Variants in METTL15 observed in about 807,000 individuals in gnomAD.
The protein encoded by METTL15 is methyltransferase 15, mitochondrial 12S rRNA N4-cytidine.
In METTL15, 34 loss-of-function variants were observed where a neutral mutation model predicts 38.3. The ratio of observed to expected loss-of-function variants is 0.89; its 90% CI spans 0.68 to 1.18. METTL15 has a LOEUF of 1.18. Among genes scored for constraint, METTL15 ranks in the 50% most tolerant of loss-of-function variants. The pLI is 0.00. For missense variants in METTL15, 438 were observed against 498.4 expected (o/e 0.88, Z 1.15); for synonymous variants, 162 against 170.9 (o/e 0.95, Z 0.41).
chr11:28,302,228 C>G (rs1856938254), intron 6 of METTL15, among the ~76,000 whole-genome samples: 2 of 152,210 alleles, frequency 1.3e-5, no homozygotes, highest in South Asian at 4.1e-4. Flanking sequence ...AATACTTTTT[C>G]AATGTTAATT....
At chr11:28,458,426 C>G (rs1851188086) in intron 6 of METTL15, among the ~76,000 whole-genome samples, 1 of 152,130 alleles carries the variant, frequency 6.6e-6, no homozygotes, top group Non-Finnish European at 1.5e-5. Context: ...AAAACTTGCC[C>G]AATGTTTTAT....
intron 5 of METTL15, among the ~76,000 whole-genome samples, chr11:28,417,342 G>A (rs951388693): frequency 6.6e-6 from 1 of 152,108 alleles, no homozygotes; most frequent in Non-Finnish European, 1.5e-5. Context: ...ATCACTTATG[G>A]TAGTATTTGC....
chr11:28,384,841 G>A (rs1374411374), intron 5 of METTL15, among the ~76,000 whole-genome samples: 1 of 152,000 alleles, frequency 6.6e-6, no homozygotes, highest in Non-Finnish European at 1.5e-5. Context: ...CATTTTGATG[G>A]GTGAGAGATG....
intron 5 of METTL15, among the ~76,000 whole-genome samples, chr11:28,293,924 T>G (rs1370031746): frequency 6.6e-6 from 1 of 152,232 alleles, no homozygotes; most frequent in Non-Finnish European, 1.5e-5. Context: ...GAGACTTTGC[T>G]GAAGTTGCCT....
chr11:28,196,634 C>T (rs1851919128), intron 3 of METTL15, among the ~76,000 whole-genome samples: 1 of 151,602 alleles, frequency 6.6e-6, no homozygotes, highest in Non-Finnish European at 1.5e-5. Context: ...AAGATCATAT[C>T]ATTGGCAAAC....
At chr11:28,392,395 C>T (rs1850519216) in intron 5 of METTL15, among the ~76,000 whole-genome samples, 1 of 151,984 alleles carries the variant, frequency 6.6e-6, no homozygotes, top group South Asian at 2.1e-4. Flanking sequence ...GACATATAGA[C>T]TCATGGAACA....
At chr11:28,137,480 T>C (rs1849552643) in intron 3 of METTL15, among the ~76,000 whole-genome samples, 1 of 152,222 alleles carries the variant, frequency 6.6e-6, no homozygotes, top group Admixed American at 6.5e-5. Flanking sequence ...GTGTAAAGGC[T>C]GGCAAGTTGT....
chr11:28,350,423 A>G (rs150844522), intron 3 of METTL15, among the ~76,000 whole-genome samples: 218 of 152,352 alleles, frequency 1.4e-3, no homozygotes, highest in Non-Finnish European at 2.6e-3. Flanking sequence ...TACATCTGGC[A>G]TTAACAAAAC....
At chr11:28,262,513 G>A (rs1243782718) in intron 4 of METTL15, among the ~76,000 whole-genome samples, 3 of 151,820 alleles carry the variant, frequency 2.0e-5, no homozygotes, top group African/African-American at 7.3e-5. Flanking sequence ...ATGAAAGATG[G>A]CATAATTACT....
intron 5 of METTL15, among the ~76,000 whole-genome samples, chr11:28,385,050 G>A (rs893786407): frequency 6.6e-6 from 1 of 152,004 alleles, no homozygotes; most frequent in Admixed American, 6.6e-5. Context: ...TTAGACTTTT[G>A]TCAAGTTTAT....
intron 5 of METTL15, among the ~76,000 whole-genome samples, chr11:28,372,997 A>C (rs1338164456): frequency 1.3e-5 from 2 of 151,402 alleles, no homozygotes; most frequent in Admixed American, 6.6e-5. Flanking sequence ...TATGTGCCAC[A>C]TTTTCTTAAT....
intron 4 of METTL15, among the ~76,000 whole-genome samples, chr11:28,226,521 C>A (rs2133874575): frequency 6.6e-6 from 1 of 152,016 alleles, no homozygotes; most frequent in South Asian, 2.1e-4. Flanking sequence ...GACTTATTTT[C>A]TAGCACTTGA....
At chr11:28,338,820 G>T (rs1849924480) in intron 3 of METTL15, among the ~76,000 whole-genome samples, 2 of 152,060 alleles carry the variant, frequency 1.3e-5, no homozygotes, top group South Asian at 4.1e-4. Context: ...GATAATTCGG[G>T]TTAACCATCC....
intron 5 of METTL15, among the ~76,000 whole-genome samples, chr11:28,390,422 G>T (rs1850491057): frequency 6.6e-6 from 1 of 151,946 alleles, no homozygotes; most frequent in Admixed American, 6.6e-5. Flanking sequence ...GTAAGGAAGG[G>T]ATCCAGTTTC....
chr11:28,294,363 G>T (rs1856648353), intron 5 of METTL15, among the ~76,000 whole-genome samples: 1 of 152,152 alleles, frequency 6.6e-6, no homozygotes, highest in Non-Finnish European at 1.5e-5. Flanking sequence ...AATGTGGCCT[G>T]TCAATTCCTG....
intron 3 of METTL15, among the ~76,000 whole-genome samples, chr11:28,114,390 T>C (rs1412101874): frequency 2.6e-5 from 4 of 152,168 alleles, no homozygotes; most frequent in Non-Finnish European, 5.9e-5. Context: ...TGATGAGCAT[T>C]TATATTGTTT....
chr11:28,268,429 C>G (rs1855519574), intron 4 of METTL15, among the ~76,000 whole-genome samples: 1 of 151,950 alleles, frequency 6.6e-6, no homozygotes, highest in Non-Finnish European at 1.5e-5. Context: ...TAGCAAGACA[C>G]TGGTATAGAG....
chr11:28,235,138 G>A (rs1389844447), intron 4 of METTL15, among the ~76,000 whole-genome samples: 1 of 151,998 alleles, frequency 6.6e-6, no homozygotes, highest in African/African-American at 2.4e-5. Context: ...TTATTTCTGA[G>A]GGGTCTGTTC....
At chr11:28,503,211 C>G (rs1851599203) in intron 6 of METTL15, among the ~76,000 whole-genome samples, 1 of 152,184 alleles carries the variant, frequency 6.6e-6, no homozygotes, top group Non-Finnish European at 1.5e-5. Flanking sequence ...CACTTGTGCT[C>G]ACATTTTATT....
Sources: allele counts gnomAD v4.1 joint callset (sites outside exome capture counted in the v4.1 genomes callset), GRCh38; gene constraint gnomAD v4.1.1; transcripts MANE v1.5; gene names NCBI Gene and HGNC (gene_info 2026-07-23, HGNC 2026-07-21).